The following GREM2 variants were observed in gnomAD, a reference collection of about 807,000 sequenced individuals.
The protein encoded by GREM2 is gremlin 2, DAN family BMP antagonist.
In GREM2, 11 loss-of-function variants were observed where a neutral mutation model predicts 14.2. The ratio of observed to expected loss-of-function variants is 0.78; its 90% CI spans 0.49 to 1.28. The LOEUF (loss-of-function observed/expected upper bound fraction) is 1.28. Ranked by LOEUF, GREM2 falls within the 50% of genes most tolerant of loss-of-function variation. The pLI is 0.00. For synonymous variants in GREM2, 98 were observed against 97.6 expected (o/e 1.00, Z -0.02); for missense variants, 210 against 218.5 (o/e 0.96, Z 0.24).
At chr1:240,532,290 G>A (rs1049718129) in intron 1 of GREM2, among the ~76,000 whole-genome samples, 11 of 152,120 alleles carry the variant, frequency 7.2e-5, no homozygotes, top group East Asian at 5.8e-4. Flanking sequence ...CACCATGTTC[G>A]CCAGGCTGGT....
At chr1:240,595,112 G>T (rs369598901) in intron 1 of GREM2, among the ~76,000 whole-genome samples, 3 of 152,190 alleles carry the variant, frequency 2.0e-5, no homozygotes, top group Non-Finnish European at 4.4e-5. Flanking sequence ...ATGGCCGGGC[G>T]TGGTGGCTCA....
chr1:240,511,442 C>T (rs1425751578), intron 1 of GREM2, among the ~76,000 whole-genome samples: 1 of 152,154 alleles, frequency 6.6e-6, no homozygotes, highest in Non-Finnish European at 1.5e-5. Flanking sequence ...GGAGAATATC[C>T]ATAGGCCTTT....
chr1:240,515,132 C>T (rs896022222), intron 1 of GREM2, among the ~76,000 whole-genome samples: 4 of 152,070 alleles, frequency 2.6e-5, no homozygotes, highest in African/African-American at 7.2e-5. Flanking sequence ...GAAATAGCAG[C>T]GGGAATGGGG....
rs1160234027 is a variant in GREM2, at chr1:240,490,004, T to C, written c.*2965A>G. ...TTATTGATTACGGAGTTTTCTTAAA[T>C]GGCAGATTAAGTCAATTAATAGAAA... On this transcript the variant is annotated 3_prime_UTR_variant, in exon 2 of 2. Transcript: ENST00000318160. The C allele has an allele frequency of 1.3e-5, 2 of 152,230 alleles. No individual in the cohort carries two copies. Among genetic ancestry groups the C allele is most frequent in the African/African-American group, 2.4e-5 (1 of 41,460 alleles). The allele number at this position is 152,230 out of a possible 1,614,324, so 9.4% of individuals were successfully genotyped here.
chr1:240,527,746 T>C (rs1161206600), intron 1 of GREM2, among the ~76,000 whole-genome samples: 2 of 152,210 alleles, frequency 1.3e-5, no homozygotes, highest in African/African-American at 4.8e-5. Flanking sequence ...TTATCCCTAC[T>C]TCGTATATAA....
intron 1 of GREM2, among the ~76,000 whole-genome samples, chr1:240,551,839 G>A (rs1325456227): frequency 2.6e-5 from 4 of 152,096 alleles, no homozygotes; most frequent in Non-Finnish European, 5.9e-5. Context: ...GGAGAAGGGA[G>A]GAGGAACCTC....
rs781167073 is a variant in GREM2 at position 240,543,944 on chromosome 1, C to G, written c.-1-50468G>C. ...CCTCCATACCTGTGGGTTCCACATTCATGGGTTCAACCAACCTCAGATCAA... is the reference window on the plus strand; with the variant it reads ...CCTCCATACCTGTGGGTTCCACATTGATGGGTTCAACCAACCTCAGATCAA... On this transcript the variant is annotated intron_variant, in intron 1 of 1. Coordinates refer to ENST00000318160, the MANE Select transcript of GREM2 (RefSeq NM_022469.4). The surrounding 1 kb of genome is among the most constrained non-coding windows in gnomAD (Gnocchi z 6.4). Among the ~76,000 whole-genome samples, 15 of 152,170 alleles carry G rather than the reference C, an allele frequency of 9.9e-5. No homozygotes were observed. Among genetic ancestry groups the G allele is most frequent in the Non-Finnish European group, 1.9e-4 (13 of 68,034 alleles).
At chr1:240,532,117 C>G (rs1678375169) in intron 1 of GREM2, among the ~76,000 whole-genome samples, 1 of 151,840 alleles carries the variant, frequency 6.6e-6, no homozygotes, top group Non-Finnish European at 1.5e-5. Context: ...GCTCTTGTCT[C>G]CCAGGCTGCA....
intron 1 of GREM2, among the ~76,000 whole-genome samples, chr1:240,605,875 A>AT (rs1483277879): frequency 1.3e-5 from 2 of 152,064 alleles, no homozygotes; most frequent in African/African-American, 4.8e-5. Flanking sequence ...AAAATTGTTG[A>AT]TTTAGTATTT....
intron 1 of GREM2, among the ~76,000 whole-genome samples, chr1:240,570,650 A>G (rs1383268150): frequency 6.6e-6 from 1 of 152,214 alleles, no homozygotes; most frequent in East Asian, 1.9e-4. Context: ...TGTGTTTTAC[A>G]CAGGCGGTCT....
intron 1 of GREM2, chr1:240,531,711 CTTCTT>C (rs938214953): frequency 5.5e-4 from 473 of 867,180 alleles, no homozygotes; most frequent in African/African-American, 1.7e-3. Flanking sequence ...TCTTTTTCTT[CTTCTT>C]TTTTTTTTTT....
chr1:240,541,942 C>G (rs984895770), intron 1 of GREM2, among the ~76,000 whole-genome samples: 7 of 152,112 alleles, frequency 4.6e-5, no homozygotes, highest in Non-Finnish European at 7.3e-5. Flanking sequence ...TCACTCCTAT[C>G]TCCACGTCTC....
At chr1:240,606,310 A>T (rs1047918303) in intron 1 of GREM2, among the ~76,000 whole-genome samples, 2 of 152,250 alleles carry the variant, frequency 1.3e-5, no homozygotes, top group Non-Finnish European at 2.9e-5. Context: ...TAATTATACA[A>T]GGAAGACTAA....
At position 240,587,198 on chromosome 1, in the gene GREM2, T is replaced by G. The variant is rs891305012; in HGVS notation, c.-2+24686A>C. Among the ~76,000 whole-genome samples, 3 of 152,218 alleles carry G rather than the reference T, an allele frequency of 2.0e-5. No homozygotes were observed. In the East Asian group the frequency reaches 5.8e-4, roughly 29 times the overall value. ...GCCTACCACTCAAAGATAACCCCTG[T>G]TAAAACACACACTGTCTATATAAAT... is the stretch of plus-strand genomic sequence containing the variant. On this transcript the variant is annotated intron_variant, in intron 1 of 1. Transcript: ENST00000318160.
chr1:240,528,099 T>A (rs1237803465), intron 1 of GREM2, among the ~76,000 whole-genome samples: 1 of 152,224 alleles, frequency 6.6e-6, no homozygotes, highest in Non-Finnish European at 1.5e-5. Flanking sequence ...TTGACACACA[T>A]TCTCTCATTT....
chr1:240,607,512 C>T (rs1187529568), intron 1 of GREM2, among the ~76,000 whole-genome samples: 2 of 152,060 alleles, frequency 1.3e-5, no homozygotes, highest in Admixed American at 6.6e-5. Context: ...GTCTTAAATA[C>T]GTATGTTTGA....
intron 1 of GREM2, among the ~76,000 whole-genome samples, chr1:240,559,803 T>C (rs926905638): frequency 3.9e-5 from 6 of 152,216 alleles, no homozygotes; most frequent in East Asian, 1.9e-4. Context: ...TTTGAGAACA[T>C]TTCTCCCAAA....
At chr1:240,598,524 T>C (rs920272220) in intron 1 of GREM2, among the ~76,000 whole-genome samples, 1 of 152,218 alleles carries the variant, frequency 6.6e-6, no homozygotes, top group Non-Finnish European at 1.5e-5. Flanking sequence ...TACAAATCCA[T>C]ATGGTGCCTT....
intron 1 of GREM2, among the ~76,000 whole-genome samples, chr1:240,525,863 GT>G (rs1360259083): frequency 6.6e-6 from 1 of 152,182 alleles, no homozygotes; most frequent in Non-Finnish European, 1.5e-5. Context: ...ACAGGGATGT[GT>G]TTCTTTCTGG....
Sources: allele counts gnomAD v4.1 joint callset (sites outside exome capture counted in the v4.1 genomes callset), GRCh38; gene constraint gnomAD v4.1.1; non-coding constraint Gnocchi (gnomAD v3.1); transcripts MANE v1.5; gene names NCBI Gene and HGNC (gene_info 2026-07-23, HGNC 2026-07-21).